The following RGS6 variants were observed in gnomAD, a reference collection of about 807,000 sequenced individuals.
RGS6 encodes regulator of G-protein signaling 6.
In RGS6, 30 loss-of-function variants were observed where a neutral mutation model predicts 78.5. That is an observed-to-expected ratio of 0.38 (90% CI 0.29 to 0.52). The LOEUF is 0.52. RGS6 is among the 20% of genes least tolerant of loss of function. The probability of loss-of-function intolerance (pLI) is 0.85; values close to 1 mark genes in which losing one functional copy is unlikely to be tolerated. For missense variants in RGS6, 495 were observed against 609.7 expected, an observed-to-expected ratio of 0.81 and a Z score of 1.98; for synonymous variants, 206 against 206.0, an observed-to-expected ratio of 1.00 and a Z score of 0.00.
At chr14:72,106,299 C>T (rs2095631290) in intron 2 of RGS6, among the ~76,000 whole-genome samples, 1 of 152,164 alleles carries the variant, frequency 6.6e-6, no homozygotes, top group African/African-American at 2.4e-5. Context: ...AATATGGTCT[C>T]CAGATCAGCA....
At chr14:72,577,594 G>A in the RGS6 span, among the ~76,000 whole-genome samples, 154 of 152,294 alleles carry the variant, frequency 1.0e-3, no homozygotes, top group African/African-American at 3.5e-3. Flanking sequence ...AAAGGAAGCT[G>A]GATTAAGTTT....
At chr14:72,316,021 C>G (rs1056701706) in intron 2 of RGS6, among the ~76,000 whole-genome samples, 1 of 152,204 alleles carries the variant, frequency 6.6e-6, no homozygotes, top group African/African-American at 2.4e-5. Flanking sequence ...AGGCAGAATT[C>G]CCTGGGGAAC....
Position 72,476,732 on chromosome 14 carries a change from C to T in RGS6, c.694-10C>T. The T allele has an allele frequency of 6.2e-7, 1 of 1,613,422 alleles. No individual in the cohort carries two copies. Among genetic ancestry groups the T allele is most frequent in the South Asian group, 1.1e-5 (1 of 90,988 alleles). ...GGTGGATGATCCTCTGTGCTTGCTT[C>T]TTCTCCTAGTCCGTGTATGGCGTGA... On this transcript the variant is annotated splice_polypyrimidine_tract_variant and intron_variant, in intron 10 of 17. Transcript: ENST00000553525.
At chr14:72,156,263 G>A (rs989160462) in intron 2 of RGS6, among the ~76,000 whole-genome samples, 38 of 152,102 alleles carry the variant, frequency 2.5e-4, no homozygotes, top group Admixed American at 2.3e-3. Flanking sequence ...TGGCCAACAT[G>A]GTGAAACCTT....
At chr14:71,914,932 A>T in the RGS6 span, among the ~76,000 whole-genome samples, 1 of 151,882 alleles carries the variant, frequency 6.6e-6, no homozygotes, top group Non-Finnish European at 1.5e-5. Flanking sequence ...TGATGAACAG[A>T]TGTGACGTTC....
chr14:72,375,484 T>G (rs1230892193), intron 3 of RGS6, among the ~76,000 whole-genome samples: 1 of 152,162 alleles, frequency 6.6e-6, no homozygotes, highest in Non-Finnish European at 1.5e-5. Context: ...TGAGCAGCTG[T>G]GCACCCATGT....
At chr14:72,204,811 A>G (rs1205969709) in intron 2 of RGS6, among the ~76,000 whole-genome samples, 3 of 152,180 alleles carry the variant, frequency 2.0e-5, no homozygotes, top group Admixed American at 1.3e-4. Flanking sequence ...TTTCGGAGGG[A>G]CAGAAACATT....
downstream of RGS6, among the ~76,000 whole-genome samples, chr14:72,567,355 C>A (rs918839980): frequency 6.6e-5 from 10 of 152,210 alleles, no homozygotes; most frequent in African/African-American, 2.2e-4. Flanking sequence ...TGACCATGGC[C>A]ACCACCTCCA....
chr14:72,301,636 A>G (rs1370994328), intron 2 of RGS6, among the ~76,000 whole-genome samples: 1 of 152,210 alleles, frequency 6.6e-6, no homozygotes, highest in Non-Finnish European at 1.5e-5. Context: ...TCTGGAGGCC[A>G]AAAGTTCAAG....
intron 2 of RGS6, among the ~76,000 whole-genome samples, chr14:72,106,935 C>T (rs2095645537): frequency 6.6e-6 from 1 of 151,860 alleles, no homozygotes; most frequent in South Asian, 2.1e-4. Context: ...TTGTTTTTTT[C>T]TTTTCTTTTT....
the RGS6 span, among the ~76,000 whole-genome samples, chr14:71,919,539 C>T: frequency 6.6e-6 from 1 of 152,078 alleles, no homozygotes; most frequent in South Asian, 2.1e-4. Context: ...ATTTCCTAGC[C>T]AGGAATGCCT....
chr14:72,443,785 GCACCTGACATTAGAT>G (rs915403329), intron 3 of RGS6, among the ~76,000 whole-genome samples: 1 of 152,126 alleles, frequency 6.6e-6, no homozygotes, highest in East Asian at 1.9e-4. Flanking sequence ...GTGCTACTGG[GCACCTGACATTAGAT>G]CACTTCTCTC....
intron 2 of RGS6, among the ~76,000 whole-genome samples, chr14:72,129,155 G>A (rs2153585862): frequency 6.6e-6 from 1 of 152,248 alleles, no homozygotes; most frequent in South Asian, 2.1e-4. Flanking sequence ...TGGAGAAGGG[G>A]AACTTGAGTT....
chr14:72,561,492 C>A (rs1567137830), intron 17 of RGS6, among the ~76,000 whole-genome samples: 3 of 152,216 alleles, frequency 2.0e-5, no homozygotes, highest in Non-Finnish European at 4.4e-5. Flanking sequence ...AGAACGGGCA[C>A]ACACTATGTA....
intron 17 of RGS6, among the ~76,000 whole-genome samples, chr14:72,562,082 C>A (rs1422078274): frequency 1.3e-5 from 2 of 152,226 alleles, no homozygotes; most frequent in Non-Finnish European, 2.9e-5. Flanking sequence ...AATTTCAGGG[C>A]AGCCCGCCGG....
chr14:72,576,020 A>G, the RGS6 span, among the ~76,000 whole-genome samples: 1 of 152,192 alleles, frequency 6.6e-6, no homozygotes, highest in Non-Finnish European at 1.5e-5. Context: ...GAACTGCCTC[A>G]CAAGCAAGAC....
chr14:72,231,140 A>G (rs533428833), intron 2 of RGS6, among the ~76,000 whole-genome samples: 4 of 152,172 alleles, frequency 2.6e-5, no homozygotes, highest in Admixed American at 1.3e-4. Flanking sequence ...ATGGTGGACA[A>G]AGTCCCTCAG....
At position 72,278,671 on chromosome 14, in the gene RGS6, A is replaced by G. The variant is rs190945918; in HGVS notation, c.85-73424A>G. Among the ~76,000 whole-genome samples the G allele has an allele frequency of 7.0e-4, 106 of 152,280 alleles. 1 individual carries two copies. The highest frequency in any genetic ancestry group is 8.3e-4 in the South Asian group (4 of 4,828). On this transcript the variant is annotated intron_variant, in intron 2 of 17. Coordinates refer to ENST00000553525, the MANE Select transcript of RGS6 (RefSeq NM_001204424.2). ...ATTTGTTACAGGAACGTGGCCTTAC[A>G]CAATCATGGGAGCTGGTCTGCCATC...
chr14:72,399,497 G>T (rs1263334165), intron 3 of RGS6, among the ~76,000 whole-genome samples: 1 of 152,078 alleles, frequency 6.6e-6, no homozygotes, highest in Non-Finnish European at 1.5e-5. Context: ...TTGCCAGTCT[G>T]TGTCTTTTAA....
Sources: allele counts gnomAD v4.1 joint callset (sites outside exome capture counted in the v4.1 genomes callset), GRCh38; gene constraint gnomAD v4.1.1; transcripts MANE v1.5; gene names NCBI Gene and HGNC (gene_info 2026-07-23, HGNC 2026-07-21).